NALCN: variants seen among roughly 807,000 people sequenced by gnomAD.
The protein encoded by NALCN is sodium leak channel NALCN.
In NALCN, 111 loss-of-function variants were observed where a neutral mutation model predicts 225.3. That is an observed-to-expected ratio of 0.49 (90% CI 0.42 to 0.58). The LOEUF (loss-of-function observed/expected upper bound fraction) is 0.58. Among genes scored for constraint, NALCN ranks in the 20% least tolerant of loss-of-function variants. NALCN has a pLI of 0.00. For synonymous variants in NALCN, 764 were observed against 769.0 expected, an observed-to-expected ratio of 0.99 and a Z score of 0.11; for missense variants, 1,378 against 2,202.4, an observed-to-expected ratio of 0.63 and a Z score of 7.49.
chr13:101,282,159 A>G (rs775924081), intron 10 of NALCN, among the ~76,000 whole-genome samples: 27 of 152,340 alleles, frequency 1.8e-4, no homozygotes, highest in Non-Finnish European at 3.2e-4. Flanking sequence ...TTCTGGATAT[A>G]TGCCCAAAGG....
intron 18 of NALCN, among the ~76,000 whole-genome samples, chr13:101,123,249 C>A (rs537697590): frequency 1.3e-5 from 2 of 152,298 alleles, no homozygotes; most frequent in South Asian, 4.2e-4. Flanking sequence ...AGTAAGGTCC[C>A]TGTAGTTCCT....
rs767265201 is a variant in NALCN, at chr13:101,083,716, C to T, written c.3578G>A (p.Arg1193His). 9.9e-6 allele frequency: 16 copies of T among 1,613,080 alleles called. No individual in the cohort carries two copies. The highest frequency in any genetic ancestry group is 1.6e-4 in the Middle Eastern group (1 of 6,066). Residue 1193 changes from arginine (R) to histidine (H), a missense_variant, in exon 31 of 44, where the codon CGC (arginine) becomes CAC (histidine). Coordinates refer to ENST00000251127, the MANE Select transcript of NALCN (RefSeq NM_052867.4). ...KIAQPLHLPP[R>H]PDNDGFRAKM... The stretch of plus-strand genomic sequence containing the variant: ...AATCAGAGCATTTTGGGTACCCGGG[C>T]GAGGCGGAAGATGAAGAGGCTGTGC...
chr13:101,186,656 G>T (rs1201345011), intron 14 of NALCN, among the ~76,000 whole-genome samples: 2 of 151,962 alleles, frequency 1.3e-5, no homozygotes, highest in African/African-American at 4.8e-5. Context: ...AAATAATTTA[G>T]AAATTTAAAA....
At chr13:101,076,068 G>A in intron 34 of NALCN, 127 bp from the exon 35 acceptor site, 1 of 629,836 alleles carries the variant, frequency 1.6e-6, no homozygotes, top group Non-Finnish European at 2.5e-6. Flanking sequence ...TTATAAGAAA[G>A]TGATCTAAAA....
At chr13:101,115,651 T>C (rs527339655) in intron 18 of NALCN, among the ~76,000 whole-genome samples, 1 of 152,318 alleles carries the variant, frequency 6.6e-6, no homozygotes, top group East Asian at 1.9e-4. Context: ...TGCCTTTTGG[T>C]CTCATGTAAG....
At chr13:101,333,813 GAA>G (rs2045268915) in intron 7 of NALCN, among the ~76,000 whole-genome samples, 1 of 152,306 alleles carries the variant, frequency 6.6e-6, no homozygotes, top group East Asian at 1.9e-4. Flanking sequence ...CGCCAGCAGA[GAA>G]AGTTTCCTTG....
chr13:101,168,924 C>T (rs1254332578), intron 15 of NALCN, among the ~76,000 whole-genome samples: 3 of 152,312 alleles, frequency 2.0e-5, no homozygotes, highest in East Asian at 1.9e-4. Flanking sequence ...CTTCACTACC[C>T]TCCTTCATGC....
At chr13:101,380,110 C>T (rs998116875) in intron 3 of NALCN, among the ~76,000 whole-genome samples, 4 of 151,942 alleles carry the variant, frequency 2.6e-5, no homozygotes, top group African/African-American at 9.7e-5. Context: ...CTCATTGTCA[C>T]ATAGCACATA....
chr13:101,116,188 G>A (rs1353046012), intron 18 of NALCN, among the ~76,000 whole-genome samples: 2 of 151,728 alleles, frequency 1.3e-5, no homozygotes, highest in Non-Finnish European at 1.5e-5. Context: ...ATTCCCAGTT[G>A]CAAAAATATT....
intron 11 of NALCN, among the ~76,000 whole-genome samples, chr13:101,242,056 A>G (rs1336354663): frequency 9.4e-6 from 1 of 106,386 alleles, no homozygotes; most frequent in African/African-American, 3.4e-5. Flanking sequence ...TGAACATTTA[A>G]AACGTCTTAA....
intron 6 of NALCN, among the ~76,000 whole-genome samples, chr13:101,353,812 A>C (rs2045972776): frequency 6.6e-6 from 1 of 152,226 alleles, no homozygotes; most frequent in Non-Finnish European, 1.5e-5. Context: ...TATTTTTTCA[A>C]ATATTGTGAC....
chr13:101,335,752 C>T (rs1216950309), intron 7 of NALCN, among the ~76,000 whole-genome samples: 1 of 150,844 alleles, frequency 6.6e-6, no homozygotes, highest in African/African-American at 2.4e-5. Flanking sequence ...ACATATTTTA[C>T]AAATTAGTCT....
chr13:101,377,086 T>G, intron 4 of NALCN, 30 bp from the exon 5 acceptor site: 1 of 1,613,814 alleles, frequency 6.2e-7, no homozygotes, highest in Non-Finnish European at 8.5e-7. Flanking sequence ...TAAATGAGGT[T>G]GGATTTTCCC....
chr13:101,302,099 G>C (rs1352761397), intron 7 of NALCN, among the ~76,000 whole-genome samples: 2 of 152,114 alleles, frequency 1.3e-5, no homozygotes, highest in African/African-American at 4.8e-5. Flanking sequence ...ATAATGTTAA[G>C]ATAATAGTTA....
chr13:101,085,707 A>T (rs2033897569), intron 30 of NALCN, among the ~76,000 whole-genome samples: 1 of 152,200 alleles, frequency 6.6e-6, no homozygotes. Context: ...AATAAAGGCA[A>T]AAACATTATT....
At chr13:101,064,474 G>A (rs893151716) in intron 40 of NALCN, among the ~76,000 whole-genome samples, 3 of 152,004 alleles carry the variant, frequency 2.0e-5, no homozygotes, top group African/African-American at 4.8e-5. Flanking sequence ...TAGTAATTAA[G>A]TTAAAATGAG....
chr13:101,308,879 G>A (rs1472279396), intron 7 of NALCN, among the ~76,000 whole-genome samples: 4 of 151,922 alleles, frequency 2.6e-5, no homozygotes, highest in Non-Finnish European at 5.9e-5. Context: ...GGCATACCAA[G>A]ACACAGAAAT....
intron 13 of NALCN, among the ~76,000 whole-genome samples, chr13:101,212,979 G>T (rs563613458): frequency 2.6e-5 from 4 of 151,890 alleles, no homozygotes; most frequent in Non-Finnish European, 5.9e-5. Context: ...AAAAGAGCCC[G>T]CATTGCCAAG....
intron 10 of NALCN, 110 bp downstream of exon 10, chr13:101,283,823 G>T: frequency 1.1e-6 from 1 of 928,394 alleles, no homozygotes; most frequent in Non-Finnish European, 1.5e-6. Flanking sequence ...CTAACTTCAG[G>T]ATTTTAAATT....
Sources: gnomAD v4.1 joint callset for allele counts (sites outside exome capture counted in the v4.1 genomes callset) on GRCh38, gnomAD v4.1.1 for gene constraint, MANE v1.5 for transcripts, NCBI Gene and HGNC (gene_info 2026-07-23, HGNC 2026-07-21) for gene names.